The following CAPN9 variants were observed in gnomAD, a reference collection of about 807,000 sequenced individuals.
CAPN9 encodes the protein calpain 9, also known as calpain-9.
Under a neutral mutation model 92.8 loss-of-function variants are expected in CAPN9, and 81 were observed. The ratio of observed to expected loss-of-function variants is 0.87; its 90% CI spans 0.73 to 1.05. The LOEUF (loss-of-function observed/expected upper bound fraction) is 1.05, where lower values mean the gene tolerates loss of function less well. Ranked by LOEUF, CAPN9 falls within the 50% of genes least tolerant of loss-of-function variation. The pLI is 0.00. For synonymous variants in CAPN9, 304 were observed against 328.0 expected (o/e 0.93, Z 0.79); for missense variants, 848 against 866.2 (o/e 0.98, Z 0.26).
chr1:230,792,810 G>A, intron 16 of CAPN9, 40 bp from the exon 17 acceptor site: 1 of 1,566,378 alleles, frequency 6.4e-7, no homozygotes, highest in Non-Finnish European at 8.8e-7. Context: ...ATGCCTTTCA[G>A]GCACGCTCCT....
intron 3 of CAPN9, 104 bp downstream of exon 3, chr1:230,759,734 A>C: frequency 1.4e-6 from 1 of 700,728 alleles, no homozygotes; most frequent in Non-Finnish European, 2.4e-6. Context: ...ATGTCATCAG[A>C]TCTGTGTGAC....
At chr1:230,768,833 T>C (rs950940880) in intron 5 of CAPN9, among the ~76,000 whole-genome samples, 6 of 152,202 alleles carry the variant, frequency 3.9e-5, no homozygotes, top group African/African-American at 1.4e-4. Flanking sequence ...GTCCTGTTGT[T>C]ATATTCTTCT....
chr1:230,758,949 T>C (rs1476310225), intron 2 of CAPN9, among the ~76,000 whole-genome samples: 1 of 152,214 alleles, frequency 6.6e-6, no homozygotes, highest in Non-Finnish European at 1.5e-5. Context: ...TTAGTTTTCC[T>C]CCAGATGTGT....
intron 2 of CAPN9, 107 bp downstream of exon 2, chr1:230,755,513 G>A (rs1020605838): frequency 5.2e-6 from 4 of 767,570 alleles, no homozygotes; most frequent in Non-Finnish European, 8.5e-6. Context: ...GGGGCTGGGG[G>A]AACAACACTG....
At chr1:230,792,313 G>A in intron 15 of CAPN9, 113 bp from the exon 16 acceptor site, 3 of 832,246 alleles carry the variant, frequency 3.6e-6, no homozygotes, top group South Asian at 1.5e-5. Flanking sequence ...CCCCAAACCT[G>A]TGCACCCAGG....
At chr1:230,762,867 G>GA in intron 4 of CAPN9, 81 bp downstream of exon 4, 1 of 1,425,608 alleles carries the variant, frequency 7.0e-7, no homozygotes. Flanking sequence ...TCTAAGGGCT[G>GA]GGAAAAAATC....
At position 230,761,555 on chromosome 1, in the gene CAPN9, A is replaced by AACACAC. The variant is rs147168033; in HGVS notation, c.403-1086_403-1081dup. Among the ~76,000 whole-genome samples, 12 of 150,622 alleles carry AACACAC rather than the reference A, an allele frequency of 8.0e-5. 1 individual carries two copies. The East Asian group carries it at 2.2e-3, about 27-fold the overall frequency. ...AGCAGGTGACAAGAATCTTCCTTAAAACACACACACACACACAGACACCCT... is the reference window on the plus strand; with the variant it reads ...AGCAGGTGACAAGAATCTTCCTTAAAACACACACACACACACACACACAGACACCCT... On this transcript the variant is annotated intron_variant, in intron 3 of 19. Transcript: ENST00000271971.
chr1:230,781,677 G>C (rs1442665492), intron 11 of CAPN9, among the ~76,000 whole-genome samples: 1 of 152,154 alleles, frequency 6.6e-6, no homozygotes. Flanking sequence ...TAAGGAGAAC[G>C]CTAAAATCTG....
chr1:230,775,205 GC>G (rs539431017), intron 8 of CAPN9, among the ~76,000 whole-genome samples: 10 of 152,132 alleles, frequency 6.6e-5, no homozygotes, highest in Non-Finnish European at 1.5e-4. Flanking sequence ...TAGAGGAAGA[GC>G]CTCTGGTCTC....
In CAPN9 at chr1:230,772,014, G is replaced by A. The variant is rs1398972122; in HGVS notation, c.790G>A (p.Val264Ile). ...HAYSVTGIDQ[V>I]SFRGQRIELI... ...CTTCCCTCATGCTTTTCCCTTCTAG[G>A]TAAGCTTCCGAGGCCAGAGAATCGA... The change falls in exon 7 of 20, where the codon GTA becomes ATA. Residue 264 changes from valine (V) to isoleucine (I), a missense_variant and splice_region_variant. Transcript: ENST00000271971. The A allele has an allele frequency of 6.2e-7, 1 of 1,613,960 alleles. No individual in the cohort carries two copies. Among genetic ancestry groups the A allele is most frequent in the Non-Finnish European group, 8.5e-7 (1 of 1,179,818 alleles).
intron 3 of CAPN9, among the ~76,000 whole-genome samples, chr1:230,762,400 G>A (rs887785647): frequency 6.6e-5 from 10 of 152,198 alleles, no homozygotes; most frequent in African/African-American, 1.7e-4. Context: ...CCCCTGCATC[G>A]CCTGCGGCTT....
At chr1:230,769,315 T>A in intron 6 of CAPN9, 52 bp downstream of exon 6, 1 of 1,288,724 alleles carries the variant, frequency 7.8e-7, no homozygotes, top group Non-Finnish European at 1.1e-6. Context: ...GTGACAATGC[T>A]AATCCCTTAG....
intron 9 of CAPN9, among the ~76,000 whole-genome samples, chr1:230,779,550 G>C (rs1018658510): frequency 6.6e-6 from 1 of 152,112 alleles, no homozygotes; most frequent in African/African-American, 2.4e-5. Context: ...TCACAGGAGG[G>C]CTGGCAGCAG....
rs551802362 is a variant in CAPN9, at chr1:230,795,232, A to G, written c.1940A>G (p.Asp647Gly). ...LRYADEELQL[D>G]FDDFLNCLVR... The stretch of plus-strand genomic sequence containing the variant: ...TATGCGGATGAGGAGCTCCAGCTGG[A>G]CTTCGATGACTTCCTCAACTGCCTG... Residue 647 changes from aspartate (D) to glycine (G), a missense_variant, in exon 18 of 20, where the codon GAC becomes GGC. Transcript: ENST00000271971. The G allele has an allele frequency of 1.2e-6, 2 of 1,613,504 alleles. No homozygotes were observed. Among genetic ancestry groups the G allele is most frequent in the East Asian group, 4.5e-5 (2 of 44,854 alleles).
intron 11 of CAPN9, among the ~76,000 whole-genome samples, chr1:230,783,239 T>A (rs1478780992): frequency 3.3e-5 from 5 of 152,320 alleles, no homozygotes; most frequent in Middle Eastern, 3.4e-3. Context: ...TTGCCCTTGT[T>A]AAAGTACATT....
At chr1:230,751,947 C>T (rs1478192237) in intron 1 of CAPN9, among the ~76,000 whole-genome samples, 1 of 152,174 alleles carries the variant, frequency 6.6e-6, no homozygotes, top group East Asian at 1.9e-4. Context: ...GTCAAGACCC[C>T]TGCAATTGAG....
At chr1:230,767,807 C>A in intron 5 of CAPN9, 98 bp downstream of exon 5, 1 of 1,145,316 alleles carries the variant, frequency 8.7e-7, no homozygotes, top group South Asian at 1.6e-5. Flanking sequence ...CCCAGCCACA[C>A]CCAAGGAGGG....
chr1:230,759,358 G>A (rs1227579606), intron 2 of CAPN9, among the ~76,000 whole-genome samples, 154 bp from the exon 3 acceptor site: 5 of 152,218 alleles, frequency 3.3e-5, no homozygotes, highest in Non-Finnish European at 7.3e-5. Flanking sequence ...CAGAAGGGGA[G>A]GAGAGAGTTA....
intron 1 of CAPN9, among the ~76,000 whole-genome samples, chr1:230,751,627 GAA>G (rs1280301265): frequency 2.6e-5 from 2 of 77,562 alleles, no homozygotes; most frequent in East Asian, 3.2e-4. Flanking sequence ...AAGAAAGAAA[GAA>G]AGAAAGAAAG....
Sources: allele counts gnomAD v4.1 joint callset (sites outside exome capture counted in the v4.1 genomes callset), GRCh38; gene constraint gnomAD v4.1.1; transcripts MANE v1.5; gene names NCBI Gene and HGNC (gene_info 2026-07-23, HGNC 2026-07-21).